ATXN7L1: variants seen among roughly 807,000 people sequenced by gnomAD.
ATXN7L1 encodes the protein ataxin 7 like 1.
Under a neutral mutation model 70.8 loss-of-function variants are expected in ATXN7L1, and 15 were observed. The ratio of observed to expected loss-of-function variants is 0.21; its 90% confidence interval spans 0.14 to 0.33. The LOEUF (loss-of-function observed/expected upper bound fraction) is 0.33. Ranked by LOEUF, ATXN7L1 falls within the 10% of genes least tolerant of loss-of-function variation. The probability of loss-of-function intolerance (pLI) is 1.00; values close to 1 mark genes in which losing one functional copy is unlikely to be tolerated. For missense variants in ATXN7L1, 975 were observed against 1,097.1 expected, an observed-to-expected ratio of 0.89 and a Z score of 1.57; for synonymous variants, 440 against 445.1, an observed-to-expected ratio of 0.99 and a Z score of 0.14.
chr7:105,676,013 G>A (rs1804594001), intron 3 of ATXN7L1, among the ~76,000 whole-genome samples: 1 of 152,054 alleles, frequency 6.6e-6, no homozygotes, highest in Non-Finnish European at 1.5e-5. Flanking sequence ...TCATCAGAGG[G>A]CTTCCTGTGC....
chr7:105,754,052 T>C (rs947239441), intron 3 of ATXN7L1, among the ~76,000 whole-genome samples: 4 of 152,194 alleles, frequency 2.6e-5, no homozygotes, highest in Non-Finnish European at 5.9e-5. Context: ...GGGAGTATTG[T>C]ATAGCACAAA....
intron 2 of ATXN7L1, among the ~76,000 whole-genome samples, chr7:105,847,374 C>T (rs1814215316): frequency 1.3e-5 from 2 of 152,078 alleles, no homozygotes; most frequent in African/African-American, 4.8e-5. Context: ...ATCTTTTGGG[C>T]TTCTTTATCA....
intron 2 of ATXN7L1, among the ~76,000 whole-genome samples, chr7:105,805,242 C>A (rs1158776332): frequency 6.6e-6 from 1 of 152,198 alleles, no homozygotes; most frequent in African/African-American, 2.4e-5. Context: ...GGCTAAGGTG[C>A]CAAGGGCTTT....
At chr7:105,695,613 T>C (rs1360524439) in intron 3 of ATXN7L1, among the ~76,000 whole-genome samples, 2 of 152,206 alleles carry the variant, frequency 1.3e-5, no homozygotes, top group African/African-American at 4.8e-5. Context: ...ATTATGAAGC[T>C]TGTATATCCA....
At chr7:105,733,881 T>TGCTTC (rs1554444554) in intron 3 of ATXN7L1, among the ~76,000 whole-genome samples, 26 of 71,294 alleles carry the variant, frequency 3.6e-4, no homozygotes, top group East Asian at 1.0e-3. Flanking sequence ...CATCCATCCA[T>TGCTTC]CATCCATCAT....
At chr7:105,662,880 AACAT>A (rs1801934172) in intron 4 of ATXN7L1, among the ~76,000 whole-genome samples, 1 of 152,196 alleles carries the variant, frequency 6.6e-6, no homozygotes. Flanking sequence ...TTATTTATTG[AACAT>A]ATACTATGAT....
At chr7:105,767,672 T>G (rs1319333951) in intron 3 of ATXN7L1, among the ~76,000 whole-genome samples, 1 of 152,220 alleles carries the variant, frequency 6.6e-6, no homozygotes, top group East Asian at 1.9e-4. Context: ...TTGATGAAAT[T>G]GAGGCACAGA....
intron 2 of ATXN7L1, among the ~76,000 whole-genome samples, chr7:105,851,603 C>G (rs187140445): frequency 2.8e-4 from 43 of 152,340 alleles, no homozygotes; most frequent in African/African-American, 7.5e-4. Flanking sequence ...TTTAAAGCAG[C>G]AAGCTTATTC....
At chr7:105,613,010 G>A (rs1221940752) in intron 10 of ATXN7L1, among the ~76,000 whole-genome samples, 1 of 152,158 alleles carries the variant, frequency 6.6e-6, no homozygotes, top group Non-Finnish European at 1.5e-5. Flanking sequence ...TGGCTCCCCA[G>A]AGAATCCGAG....
chr7:105,664,640 G>A (rs1025187612), intron 4 of ATXN7L1, among the ~76,000 whole-genome samples: 4 of 149,220 alleles, frequency 2.7e-5, no homozygotes, highest in African/African-American at 7.4e-5. Context: ...GCGTGATCTC[G>A]GCTCACCACA....
intron 2 of ATXN7L1, among the ~76,000 whole-genome samples, chr7:105,837,235 G>A (rs1421791005): frequency 6.6e-6 from 1 of 152,092 alleles, no homozygotes; most frequent in East Asian, 1.9e-4. Flanking sequence ...CAACACTGAG[G>A]ATTACCTTTT....
At chr7:105,854,451 T>A (rs1340565824) in intron 2 of ATXN7L1, among the ~76,000 whole-genome samples, 4 of 134,512 alleles carry the variant, frequency 3.0e-5, no homozygotes, top group African/African-American at 8.7e-5. Context: ...CATGCTGTAT[T>A]GGGTTTGAAA....
chr7:105,682,311 G>A (rs1805648307), intron 3 of ATXN7L1, among the ~76,000 whole-genome samples: 1 of 152,130 alleles, frequency 6.6e-6, no homozygotes, highest in Non-Finnish European at 1.5e-5. Context: ...CCACAGAACT[G>A]TACGTTAAAA....
At chr7:105,783,234 G>A (rs186244475) in intron 3 of ATXN7L1, among the ~76,000 whole-genome samples, 3 of 152,240 alleles carry the variant, frequency 2.0e-5, no homozygotes, top group Admixed American at 2.0e-4. Context: ...TTTTCACACT[G>A]GTGCTGTGAT....
chr7:105,607,613 G>A lies in ATXN7L1; in HGVS notation c.*239C>T. ...GAATGTAAAAACATGGCAAATGAAA[G>A]GAAAGACAGCGGAAACCAAACACTG... On this transcript the variant is annotated 3_prime_UTR_variant, in exon 12 of 12. Coordinates refer to ENST00000419735, the MANE Select transcript of ATXN7L1 (RefSeq NM_020725.2). 3.7e-6 allele frequency: 2 copies of A among 545,930 alleles called. No homozygotes were observed. The highest frequency in any genetic ancestry group is 2.7e-5 in the South Asian group (1 of 37,506). The allele number at this position is 545,930 out of a possible 1,614,324, so 33.8% of individuals were successfully genotyped here. A position where few individuals can be genotyped will look rare whatever the true frequency, so the allele number is the denominator to read the frequency against.
chr7:105,694,110 C>T (rs1354337470), intron 3 of ATXN7L1, among the ~76,000 whole-genome samples: 1 of 150,732 alleles, frequency 6.6e-6, no homozygotes, highest in Non-Finnish European at 1.5e-5. Context: ...TGCAGTGGTG[C>T]CATCTTGGCT....
In ATXN7L1 at chr7:105,642,158, G is replaced by A. The variant is rs556723625; in HGVS notation, c.862+680C>T. 3.3e-5 allele frequency among the ~76,000 whole-genome samples: 5 copies of A among 152,276 alleles called. No individual in the cohort carries two copies. The South Asian group carries it at 1.0e-3, about 32-fold the overall frequency. Reference sequence around the variant, plus strand: ...CAAAGCAAACATTACCCACATAGGGGCCTCTAACAAATAACCATCATCCTG... The same window carrying A: ...CAAAGCAAACATTACCCACATAGGGACCTCTAACAAATAACCATCATCCTG... On this transcript the variant is annotated intron_variant, in intron 5 of 11. Coordinates refer to ENST00000419735, the MANE Select transcript of ATXN7L1 (RefSeq NM_020725.2).
At chr7:105,632,634 A>C (rs1796756579) in intron 7 of ATXN7L1, among the ~76,000 whole-genome samples, 1 of 152,140 alleles carries the variant, frequency 6.6e-6, no homozygotes, top group Non-Finnish European at 1.5e-5. Context: ...CTACATCAAG[A>C]GTGATCAGCT....
intron 3 of ATXN7L1, chr7:105,679,168 C>T (rs995556370): frequency 1.5e-5 from 15 of 982,758 alleles, no homozygotes; most frequent in African/African-American, 8.7e-5. Context: ...CCAGTCAGAA[C>T]GCACCACTTC....
Sources: gnomAD v4.1 joint callset for allele counts (sites outside exome capture counted in the v4.1 genomes callset) on GRCh38, gnomAD v4.1.1 for gene constraint, MANE v1.5 for transcripts, NCBI Gene and HGNC (gene_info 2026-07-23, HGNC 2026-07-21) for gene names.